Variants in MCM10 observed in about 807,000 individuals in gnomAD.
MCM10 encodes the protein protein MCM10 homolog.
MCM10 carries 91 observed loss-of-function variants against 109.9 expected under a neutral mutation model. The observed-to-expected ratio is 0.83, with a 90% CI of 0.70 to 0.99. MCM10 has a LOEUF of 0.99. Ranked by LOEUF, MCM10 falls within the 50% of genes least tolerant of loss-of-function variation. The pLI is 0.00. For missense variants in MCM10, 1,077 were observed against 1,061.2 expected, an observed-to-expected ratio of 1.01 and a Z score of -0.21; for synonymous variants, 380 against 387.2, an observed-to-expected ratio of 0.98 and a Z score of 0.22.
chr10:13,186,134 C>G lies in MCM10; in HGVS notation c.1099-30C>G, dbSNP rs374635605. 3 of 1,332,324 alleles carry G rather than the reference C, an allele frequency of 2.3e-6. No individual in the cohort carries two copies. In the African/African-American group the frequency reaches 4.4e-5, roughly 19 times the overall value. 82.5% of individuals were successfully genotyped at this position (1,332,324 alleles called of 1,614,324 possible). The stretch of plus-strand genomic sequence containing the variant: ...AATAAAAGGCCATAATTTTGTCCGC[C>G]TTTAACTCCTGCCCCACCTTTTCTT... On this transcript the variant is annotated intron_variant, in intron 8 of 19. Transcript: ENST00000378714.
At chr10:13,203,922 C>T (rs1337623997) in intron 17 of MCM10, among the ~76,000 whole-genome samples, 1 of 152,192 alleles carries the variant, frequency 6.6e-6, no homozygotes, top group Non-Finnish European at 1.5e-5. Context: ...TACGTTTCCT[C>T]TCCTGCCCTT....
At position 13,186,264 on chromosome 10, in the gene MCM10, C is replaced by T. The variant is rs372112495; in HGVS notation, c.1199C>T (p.Thr400Met). The T allele has an allele frequency of 9.9e-6, 16 of 1,610,628 alleles. No homozygotes were observed. Among genetic ancestry groups the T allele is most frequent in the Middle Eastern group, 1.6e-4 (1 of 6,066 alleles). Residue 400 changes from threonine (T) to methionine (M), a missense_variant, in exon 9 of 20, where the codon ACG (threonine) becomes ATG (methionine). Coordinates refer to ENST00000378714, the MANE Select transcript of MCM10 (RefSeq NM_018518.5). Reference protein sequence around the residue: ...KAKKKNGEPCTQTVNLRDCEY... With the variant: ...KAKKKNGEPCMQTVNLRDCEY... ...AAGAAGAAGAATGGAGAGCCGTGCA[C>T]GCAGACTGTGAATTTGGTTGGTTTC...
Position 13,209,360 on chromosome 10 carries a change from G to A in MCM10, c.*50G>A. On this transcript the variant is annotated 3_prime_UTR_variant, in exon 20 of 20. Coordinates refer to ENST00000378714, the MANE Select transcript of MCM10 (RefSeq NM_018518.5). Reference sequence around the variant, plus strand: ...AGACTTCCTGGCCTCCTGTGACTCTGGAAAGCAAAGGATTGGCTGTGTATT... The same window carrying A: ...AGACTTCCTGGCCTCCTGTGACTCTAGAAAGCAAAGGATTGGCTGTGTATT... 1 of 1,387,252 alleles carries A rather than the reference G, an allele frequency of 7.2e-7. No individual in the cohort carries two copies. Among genetic ancestry groups the A allele is most frequent in the South Asian group, 1.2e-5 (1 of 85,344 alleles). The allele number at this position is 1,387,252 out of a possible 1,614,324, so 85.9% of individuals were successfully genotyped here.
At chr10:13,169,139 G>A (rs1834037780) in intron 2 of MCM10, among the ~76,000 whole-genome samples, 1 of 152,114 alleles carries the variant, frequency 6.6e-6, no homozygotes, top group African/African-American at 2.4e-5. Context: ...AAAAGATTAG[G>A]GTGGGGCAGC....
At chr10:13,192,926 C>T (rs1179996744) in intron 13 of MCM10, among the ~76,000 whole-genome samples, 1 of 151,962 alleles carries the variant, frequency 6.6e-6, no homozygotes, top group African/African-American at 2.4e-5. Context: ...CACTCTGTCA[C>T]CCCAGCTGAA....
At position 13,198,723 on chromosome 10, in the gene MCM10, G is replaced by A. The variant is rs1368804709; in HGVS notation, c.2154G>A (p.Arg718=). ...EDELEPARKK[R]REQLAYLESE... Reference sequence around the variant, plus strand: ...AATTGGAGCCTGCCAGGAAAAAAAGGAGAGAACAACTTGCCTATCTGGAAT... The same window carrying A: ...AATTGGAGCCTGCCAGGAAAAAAAGAAGAGAACAACTTGCCTATCTGGAAT... The change falls in exon 16 of 20, where the codon AGG becomes AGA. Residue 718 remains arginine, a synonymous_variant. Transcript: ENST00000378714. 2 of 1,613,836 alleles carry A rather than the reference G, an allele frequency of 1.2e-6. No individual in the cohort carries two copies. Among genetic ancestry groups the A allele is most frequent in the Non-Finnish European group, 8.5e-7 (1 of 1,179,958 alleles).
chr10:13,178,944 A>G (rs2131565960), intron 6 of MCM10, among the ~76,000 whole-genome samples: 1 of 152,236 alleles, frequency 6.6e-6, no homozygotes, highest in Middle Eastern at 3.4e-3. Context: ...GTGTATTCCT[A>G]GGTGTTTTAT....
chr10:13,180,222 G>C (rs1834192528), intron 6 of MCM10, among the ~76,000 whole-genome samples: 1 of 151,512 alleles, frequency 6.6e-6, no homozygotes. Flanking sequence ...CTGCACTCCA[G>C]CCTGGGCAAC....
At position 13,182,827 on chromosome 10, in the gene MCM10, T is replaced by A. The variant is rs1234488163; in HGVS notation, c.931-106T>A. On this transcript the variant is annotated intron_variant, in intron 7 of 19. Transcript: ENST00000378714. This position sits in a 1 kb window ranked among gnomAD's most constrained non-coding sequence, Gnocchi z 4.2. ...TGAATAACAACAAAAAAACTTGGAT[T>A]TTATGGATTATAGGCATATAGTTTT... is the stretch of plus-strand genomic sequence containing the variant. The A allele has an allele frequency of 1.2e-6, 1 of 833,696 alleles. No individual in the cohort carries two copies. The highest frequency in any genetic ancestry group is 1.8e-6 in the Non-Finnish European group (1 of 550,022). 51.6% of individuals were successfully genotyped at this position (833,696 alleles called of 1,614,324 possible). A position where few individuals can be genotyped will look rare whatever the true frequency, so the allele number is the denominator to read the frequency against.
At position 13,195,265 on chromosome 10, in the gene MCM10, A is replaced by G. The variant is rs1174320550; in HGVS notation, c.1970A>G (p.Lys657Arg). 5 of 1,593,230 alleles carry G rather than the reference A, an allele frequency of 3.1e-6. No homozygotes were observed. In the African/African-American group the frequency reaches 4.0e-5, roughly 13 times the overall value. Residue 657 changes from lysine (K) to arginine (R), a missense_variant, in exon 14 of 20, where the codon AAA (lysine) becomes AGA (arginine). Lys to Arg is a conservative substitution (Grantham distance 26, BLOSUM62 2). Coordinates refer to ENST00000378714, the MANE Select transcript of MCM10 (RefSeq NM_018518.5). ...AAACTGAGTGCTTTAGCAGAAGCCA[A>G]AAAGGTAACTGGCATCTCTTCTCTT... ...RPKLSALAEAKKLAAITKLRA... is the reference protein window; with the variant it reads ...RPKLSALAEARKLAAITKLRA...
chr10:13,172,892 C>T lies in MCM10; in HGVS notation c.592+127C>T. On this transcript the variant is annotated intron_variant, in intron 5 of 19. Transcript: ENST00000378714. The surrounding 1 kb of genome is among the most constrained non-coding windows in gnomAD (Gnocchi z 5.2). ...ATGTCCCCATTGAGAAAGAAAGTTT[C>T]TTGGGAATGGAAGCCACATGATATA... 1 of 706,518 alleles carries T rather than the reference C, an allele frequency of 1.4e-6. No individual in the cohort carries two copies. Among genetic ancestry groups the T allele is most frequent in the Middle Eastern group, 4.0e-4 (1 of 2,494 alleles). The allele number at this position is 706,518 out of a possible 1,614,324, so 43.8% of individuals were successfully genotyped here.
intron 13 of MCM10, among the ~76,000 whole-genome samples, chr10:13,194,306 C>T (rs559013486): frequency 7.9e-5 from 12 of 152,154 alleles, no homozygotes; most frequent in African/African-American, 2.4e-4. Context: ...GAGGTGGCAG[C>T]GAGCCGCAAT....
chr10:13,188,857 A>T, intron 9 of MCM10, 24 bp from the exon 10 acceptor site: 1 of 1,609,158 alleles, frequency 6.2e-7, no homozygotes, highest in Non-Finnish European at 8.5e-7. Flanking sequence ...CCTCATCCTG[A>T]TGCCACTGCT....
At chr10:13,197,123 G>T (rs1834432010) in intron 14 of MCM10, among the ~76,000 whole-genome samples, 1 of 151,102 alleles carries the variant, frequency 6.6e-6, no homozygotes, top group South Asian at 2.1e-4. Flanking sequence ...AAGTCTCACT[G>T]TGTTGCTCAG....
chr10:13,185,078 CA>C (rs1834257203), intron 8 of MCM10, among the ~76,000 whole-genome samples: 2 of 152,098 alleles, frequency 1.3e-5, no homozygotes, highest in African/African-American at 4.8e-5. Context: ...ACAAATTGGG[CA>C]AAGCACCTTA....
chr10:13,175,075 C>T (rs1173757466), intron 5 of MCM10, among the ~76,000 whole-genome samples: 1 of 151,844 alleles, frequency 6.6e-6, no homozygotes, highest in Non-Finnish European at 1.5e-5. Context: ...TTGTGGTGAG[C>T]TGAGATCGCA....
intron 8 of MCM10, among the ~76,000 whole-genome samples, chr10:13,185,514 C>T (rs1834263535): frequency 6.6e-6 from 1 of 152,176 alleles, no homozygotes; most frequent in Non-Finnish European, 1.5e-5. Flanking sequence ...GCTTCCCTAC[C>T]AACTCCTGTT....
In MCM10 at chr10:13,209,525, T is replaced by C; in HGVS notation, c.*215T>C. 1.7e-6 allele frequency: 1 copy of C among 586,300 alleles called. No individual in the cohort carries two copies. The highest frequency in any genetic ancestry group is 3.0e-6 in the Non-Finnish European group (1 of 329,288). 36.3% of individuals were successfully genotyped at this position (586,300 alleles called of 1,614,324 possible). ...TAAGTGGAAAACCAAGTTATCATTG[T>C]CTTTTCTAAGCTCAGTGTGGATGAT... On this transcript the variant is annotated 3_prime_UTR_variant, in exon 20 of 20. Coordinates refer to ENST00000378714, the MANE Select transcript of MCM10 (RefSeq NM_018518.5).
At chr10:13,168,090 C>A (rs1409976552) in intron 2 of MCM10, among the ~76,000 whole-genome samples, 1 of 152,190 alleles carries the variant, frequency 6.6e-6, no homozygotes, top group Non-Finnish European at 1.5e-5. Context: ...CCCCAGGCAG[C>A]ATTTTCCACC....
Sources: allele counts gnomAD v4.1 joint callset (sites outside exome capture counted in the v4.1 genomes callset), GRCh38; gene constraint gnomAD v4.1.1; non-coding constraint Gnocchi (gnomAD v3.1); transcripts MANE v1.5; gene names NCBI Gene and HGNC (gene_info 2026-07-23, HGNC 2026-07-21).